Variants in CPSF4 observed in about 807,000 individuals in gnomAD.
The protein encoded by CPSF4 is cleavage and polyadenylation specific factor 4, also known as cleavage and polyadenylation specificity factor subunit 4.
Under a neutral mutation model 37.7 loss-of-function variants are expected in CPSF4, and 11 were observed. The ratio of observed to expected loss-of-function variants is 0.29; its 90% CI spans 0.18 to 0.48. CPSF4 has a LOEUF of 0.48. CPSF4 is among the 20% of genes least tolerant of loss of function. CPSF4 has a pLI of 0.99. For synonymous variants in CPSF4, 132 were observed against 135.9 expected, an observed-to-expected ratio of 0.97 and a Z score of 0.20; for missense variants, 144 against 359.5, an observed-to-expected ratio of 0.40 and a Z score of 4.85.
rs1692433134 is a variant in CPSF4, at chr7:99,453,721, C to T, written c.571-245C>T. 14 of 479,432 alleles carry T rather than the reference C, an allele frequency of 2.9e-5. No individual in the cohort carries two copies. In the South Asian group the frequency reaches 3.8e-4, roughly 13 times the overall value. The allele number at this position is 479,432 out of a possible 1,614,324, so 29.7% of individuals were successfully genotyped here. ...CTGCCCCAGAGACCTCCTCTTGTCT[C>T]TTTGATGTTTTGTTTTCTATTTTAT... On this transcript the variant is annotated intron_variant, in intron 6 of 7. Transcript: ENST00000292476. This position sits in a 1 kb window ranked among gnomAD's most constrained non-coding sequence, Gnocchi z 4.7.
At chr7:99,439,315 C>A in intron 1 of CPSF4, 130 bp downstream of exon 1, 2 of 634,654 alleles carry the variant, frequency 3.2e-6, no homozygotes, top group Non-Finnish European at 5.2e-6. Flanking sequence ...GGACCCCTCC[C>A]CTTTGGTCGC....
chr7:99,455,201 C>T (rs1042707995), intron 7 of CPSF4, among the ~76,000 whole-genome samples: 6 of 152,198 alleles, frequency 3.9e-5, no homozygotes, highest in South Asian at 4.1e-4. Context: ...TAGGGCTGAC[C>T]GCCCCTGTCC....
intron 1 of CPSF4, among the ~76,000 whole-genome samples, chr7:99,441,888 C>T (rs1030312747): frequency 1.4e-4 from 22 of 152,088 alleles, no homozygotes; most frequent in African/African-American, 5.3e-4. Context: ...GATGGGGTTT[C>T]ACCATATTGG....
At chr7:99,452,277 C>A in intron 5 of CPSF4, 91 bp from the exon 6 acceptor site, 2 of 1,104,640 alleles carry the variant, frequency 1.8e-6, no homozygotes, top group African/African-American at 1.5e-5. Flanking sequence ...TTTCCTAGGG[C>A]TGGAATTTAA....
rs1562865789 is a variant in CPSF4, at chr7:99,454,084, G to A, written c.689G>A (p.Ser230Asn). Residue 230 changes from serine to asparagine, a missense_variant, in exon 7 of 8, where the codon AGC becomes AAC. By Grantham distance (46) the Ser-to-Asn change is conservative. Around this residue, in one of 4 missense-constraint regions of CPSF4, gnomAD observed 86 missense variants for 141.5 expected, o/e 0.61. Transcript: ENST00000292476. Reference protein sequence around the residue: ...QVIGVMQSQNSSAGNRGPRPL... With the variant: ...QVIGVMQSQNNSAGNRGPRPL... Reference sequence around the variant, plus strand: ...ATCGGGGTCATGCAGAGTCAAAACAGCAGCGCGGGCAACCGGGGACCCCGG... The same window carrying A: ...ATCGGGGTCATGCAGAGTCAAAACAACAGCGCGGGCAACCGGGGACCCCGG... 1 of 1,614,070 alleles carries A rather than the reference G, an allele frequency of 6.2e-7. No homozygotes were observed.
chr7:99,456,584 GA>G lies in CPSF4; in HGVS notation c.*85del. 1 of 1,189,378 alleles carries G rather than the reference GA, an allele frequency of 8.4e-7. No homozygotes were observed. The allele number at this position is 1,189,378 out of a possible 1,614,324, so 73.7% of individuals were successfully genotyped here. ...AACTGTTTCATGCGCTTGTTGGCGC[GA>G]CTGTGGCTCGAGCTGGCCCGCAGAC... On this transcript the variant is annotated 3_prime_UTR_variant, in exon 8 of 8. Coordinates refer to ENST00000292476, the MANE Select transcript of CPSF4 (RefSeq NM_006693.4).
intron 5 of CPSF4, 47 bp downstream of exon 5, chr7:99,450,842 C>A: frequency 7.1e-7 from 1 of 1,404,632 alleles, no homozygotes. Context: ...CCGGCCCAGG[C>A]CCTGCTGCCC....
chr7:99,449,422 C>G (rs1467563058), intron 3 of CPSF4, among the ~76,000 whole-genome samples: 1 of 152,248 alleles, frequency 6.6e-6, no homozygotes, highest in African/African-American at 2.4e-5. Context: ...CAGTGGCCTC[C>G]CATCTGTCCC....
In CPSF4 at chr7:99,444,788, G is replaced by A; in HGVS notation, c.104-1G>A. The stretch of plus-strand genomic sequence containing the variant: ...CCTCTCCTTTTCTCTCCTTTCTACA[G>A]AGTCGGGCGCTGCTGTCTGTGAATT... On this transcript the variant is annotated splice_acceptor_variant, in intron 1 of 7. Transcript: ENST00000292476. LOFTEE classifies it high-confidence loss of function. 1.2e-6 allele frequency: 2 copies of A among 1,613,536 alleles called. No individual in the cohort carries two copies. Among genetic ancestry groups the A allele is most frequent in the Non-Finnish European group, 1.7e-6 (2 of 1,179,690 alleles).
At chr7:99,447,933 A>AAGAC (rs1481041363) in intron 2 of CPSF4, 188 bp from the exon 3 acceptor site, 1 of 628,524 alleles carries the variant, frequency 1.6e-6, no homozygotes, top group East Asian at 2.8e-5. Flanking sequence ...AAAATGTAAA[A>AAGAC]TGTCTGTCAG....
intron 2 of CPSF4, among the ~76,000 whole-genome samples, chr7:99,445,116 G>A (rs531792455): frequency 6.6e-6 from 1 of 152,326 alleles, no homozygotes; most frequent in South Asian, 2.1e-4. Context: ...CCCCAGCATT[G>A]AGACACTCAG....
chr7:99,446,620 A>T (rs77340964), intron 2 of CPSF4, among the ~76,000 whole-genome samples: 24,817 of 145,750 alleles, frequency 0.17, 3,157 homozygotes, highest in African/African-American at 0.35. Flanking sequence ...TTTTTTTTTT[A>T]AAAAAGAGGC....
At chr7:99,456,363 A>G (rs1483704645) in intron 7 of CPSF4, 69 bp from the exon 8 acceptor site, 2 of 1,409,274 alleles carry the variant, frequency 1.4e-6, no homozygotes, top group Admixed American at 1.7e-5. Flanking sequence ...GCACTCCCTT[A>G]GTTGAAAACT....
At position 99,456,421 on chromosome 7, in the gene CPSF4, G is replaced by A. The variant is rs1191828465; in HGVS notation, c.742-11G>A. 6.2e-7 allele frequency: 1 copy of A among 1,613,738 alleles called. No individual in the cohort carries two copies. The highest frequency in any genetic ancestry group is 1.3e-5 in the African/African-American group (1 of 74,932). Reference sequence around the variant, plus strand: ...TGTCTCTCCTCTTCCCCCACTTCCTGCTGTTCCCAGTGTGGCGAGAAAGGA... The same window carrying A: ...TGTCTCTCCTCTTCCCCCACTTCCTACTGTTCCCAGTGTGGCGAGAAAGGA... On this transcript the variant is annotated splice_polypyrimidine_tract_variant and intron_variant, in intron 7 of 7. Transcript: ENST00000292476.
Position 99,448,149 on chromosome 7 carries a change from T to C in CPSF4, c.183T>C (p.Ser61=), listed in dbSNP as rs745425854. The C allele has an allele frequency of 3.7e-6, 6 of 1,614,012 alleles. No homozygotes were observed. The highest frequency in any genetic ancestry group is 1.3e-5 in the African/African-American group (1 of 74,914). ...GCATGTGTCCGTTTCGCCACATCAG[T>C]GGTGAGAAGACAGTTGTGTGCAAAC... ...KGGMCPFRHI[S]GEKTVVCKHW... is the part of the protein sequence containing the mutation. Residue 61 remains serine (S), a synonymous_variant, in exon 3 of 8, where the codon AGT becomes AGC. Transcript: ENST00000292476. This position sits in a 1 kb window ranked among gnomAD's most constrained non-coding sequence, Gnocchi z 4.4.
At position 99,453,924 on chromosome 7, in the gene CPSF4, C is replaced by T. The variant is rs757693651; in HGVS notation, c.571-42C>T. On this transcript the variant is annotated intron_variant, in intron 6 of 7. Coordinates refer to ENST00000292476, the MANE Select transcript of CPSF4 (RefSeq NM_006693.4). The surrounding 1 kb of genome is among the most constrained non-coding windows in gnomAD (Gnocchi z 4.7). ...TGTCCCCATCGGTAGTCTGCGTGCACGTGTTTTCCACAGTAAAACCGTGTT... is the reference window on the plus strand; with the variant it reads ...TGTCCCCATCGGTAGTCTGCGTGCATGTGTTTTCCACAGTAAAACCGTGTT... 88 of 1,590,784 alleles carry T rather than the reference C, an allele frequency of 5.5e-5. No homozygotes were observed. The highest frequency in any genetic ancestry group is 7.4e-5 in the Non-Finnish European group (86 of 1,161,330).
In CPSF4 at chr7:99,444,730, A is replaced by C; in HGVS notation, c.104-59A>C. 6 of 1,519,150 alleles carry C rather than the reference A, an allele frequency of 3.9e-6. 1 individual carries two copies. The highest frequency in any genetic ancestry group is 5.5e-6 in the Non-Finnish European group (6 of 1,095,294). 94.1% of individuals were successfully genotyped at this position (1,519,150 alleles called of 1,614,324 possible). On this transcript the variant is annotated intron_variant, in intron 1 of 7. Transcript: ENST00000292476. ...AAGGGTTCCCTCCCACTGTCTTCAG[A>C]CATTGTCAATAGCAAATTGCACCTC...
At chr7:99,440,323 A>G (rs1402362702) in intron 1 of CPSF4, among the ~76,000 whole-genome samples, 5 of 151,872 alleles carry the variant, frequency 3.3e-5, no homozygotes, top group Non-Finnish European at 5.9e-5. Flanking sequence ...GTGACCTCTG[A>G]GTCTGTCCCT....
Position 99,456,659 on chromosome 7 carries a change from T to C in CPSF4, c.*159T>C, listed in dbSNP as rs1348958331. The C allele has an allele frequency of 4.2e-6, 3 of 708,384 alleles. No individual in the cohort carries two copies. The highest frequency in any genetic ancestry group is 5.1e-6 in the Non-Finnish European group (2 of 391,456). 43.9% of individuals were successfully genotyped at this position (708,384 alleles called of 1,614,324 possible). On this transcript the variant is annotated 3_prime_UTR_variant, in exon 8 of 8. Transcript: ENST00000292476. The stretch of plus-strand genomic sequence containing the variant: ...GGCCACGTCTGTTAGTTTCCTATCA[T>C]TTTGCCTTAGTATTTTTTGAAAAAG...
Sources: gnomAD v4.1 joint callset for allele counts (sites outside exome capture counted in the v4.1 genomes callset) on GRCh38, gnomAD v4.1.1 for gene constraint, gnomAD v4.1.1 regional missense constraint, Gnocchi (gnomAD v3.1) non-coding constraint, MANE v1.5 for transcripts, NCBI Gene and HGNC (gene_info 2026-07-23, HGNC 2026-07-21) for gene names.